Variants in PDS5B observed in about 807,000 individuals in gnomAD.
PDS5B encodes the protein PDS5 cohesin associated factor B.
Under a neutral mutation model 184.1 loss-of-function variants are expected in PDS5B, and 51 were observed. That is an observed-to-expected ratio of 0.28 (90% CI 0.22 to 0.35). The LOEUF (loss-of-function observed/expected upper bound fraction) is 0.35. Among genes scored for constraint, PDS5B ranks in the 10% least tolerant of loss-of-function variants. The pLI, the probability that PDS5B is intolerant of heterozygous loss-of-function variation, is 1.00. For missense variants in PDS5B, 1,180 were observed against 1,723.3 expected (o/e 0.68, Z 5.58); for synonymous variants, 566 against 569.2 (o/e 0.99, Z 0.08).
chr13:32,664,299 TATA>T (rs764006249), intron 6 of PDS5B, among the ~76,000 whole-genome samples: 184 of 152,156 alleles, frequency 1.2e-3, no homozygotes, highest in Non-Finnish European at 2.3e-3. Context: ...TTATAGAAAA[TATA>T]AGAACATTCT....
chr13:32,757,223 T>C (rs578001117), intron 26 of PDS5B, among the ~76,000 whole-genome samples: 1 of 152,260 alleles, frequency 6.6e-6, no homozygotes, highest in Non-Finnish European at 1.5e-5. Flanking sequence ...TCTGAGAACA[T>C]TGGGTTTTTA....
chr13:32,708,331 C>T (rs982887857), intron 18 of PDS5B, among the ~76,000 whole-genome samples: 1 of 152,208 alleles, frequency 6.6e-6, no homozygotes, highest in Non-Finnish European at 1.5e-5. Flanking sequence ...GGCTAATCCT[C>T]ACTTTGGGAC....
rs775783871 is a variant in PDS5B at position 32,678,968 on chromosome 13, C to T, written c.1057+39C>T. The T allele has an allele frequency of 1.5e-5, 16 of 1,095,594 alleles. No homozygotes were observed. In the East Asian group the frequency reaches 2.1e-4, roughly 15 times the overall value. The allele number at this position is 1,095,594 out of a possible 1,614,324, so 67.9% of individuals were successfully genotyped here. ...GTAACAGCAAATATTCTTACGTGCTCTTCAGTGGAAAAAAATAAGTTTCAT... is the reference window on the plus strand; with the variant it reads ...GTAACAGCAAATATTCTTACGTGCTTTTCAGTGGAAAAAAATAAGTTTCAT... On this transcript the variant is annotated intron_variant, in intron 10 of 34. Coordinates refer to ENST00000315596, the MANE Select transcript of PDS5B (RefSeq NM_015032.4).
chr13:32,769,412 T>C (rs1954701930), intron 31 of PDS5B, among the ~76,000 whole-genome samples: 2 of 150,372 alleles, frequency 1.3e-5, no homozygotes, highest in African/African-American at 5.0e-5. Context: ...TAAGTGTTCA[T>C]ACATACAATT....
chr13:32,615,083 C>T (rs1038273226), intron 1 of PDS5B, among the ~76,000 whole-genome samples: 4 of 152,174 alleles, frequency 2.6e-5, no homozygotes, highest in African/African-American at 4.8e-5. Context: ...GAACCACCTC[C>T]GTTGTGCCCC....
chr13:32,761,218 T>C (rs535492446), intron 30 of PDS5B, among the ~76,000 whole-genome samples: 1 of 152,328 alleles, frequency 6.6e-6, no homozygotes, highest in South Asian at 2.1e-4. Context: ...ATCTTAACAG[T>C]ATTTATGTTA....
chr13:32,669,081 A>G (rs990128965), intron 7 of PDS5B, among the ~76,000 whole-genome samples: 2 of 152,170 alleles, frequency 1.3e-5, no homozygotes, highest in African/African-American at 4.8e-5. Context: ...ACTGGCTGAA[A>G]TAAATTGGTT....
intron 7 of PDS5B, among the ~76,000 whole-genome samples, chr13:32,668,835 AAACT>A (rs1198862478): frequency 2.6e-5 from 4 of 152,218 alleles, no homozygotes; most frequent in African/African-American, 7.2e-5. Context: ...TGTACTTTGA[AAACT>A]AACTACTTCA....
At chr13:32,673,468 A>G (rs1950987867) in intron 8 of PDS5B, 112 bp downstream of exon 8, 1 of 844,812 alleles carries the variant, frequency 1.2e-6, no homozygotes, top group Admixed American at 2.9e-5. Context: ...ATGAGGGGGA[A>G]GTATTACTAT....
Position 32,701,222 on chromosome 13 carries a change from C to T in PDS5B, c.1741-101C>T, listed in dbSNP as rs144060151. Reference sequence around the variant, plus strand: ...AATTCTTACAGTTTGTTTATTCCAGCGTCAGTACTACATGGTTTTAATTAT... The same window carrying T: ...AATTCTTACAGTTTGTTTATTCCAGTGTCAGTACTACATGGTTTTAATTAT... On this transcript the variant is annotated intron_variant, in intron 16 of 34. Transcript: ENST00000315596. The T allele has an allele frequency of 7.9e-4, 474 of 601,334 alleles. 2 individuals carry two copies. In the East Asian group the frequency reaches 0.012, roughly 16 times the overall value. 37.2% of individuals were successfully genotyped at this position (601,334 alleles called of 1,614,324 possible). A position where few individuals can be genotyped will look rare whatever the true frequency, so the allele number is the denominator to read the frequency against.
At position 32,586,567 on chromosome 13, in the gene PDS5B, G is replaced by A. The variant is rs2057677189; in HGVS notation, c.-46G>A. On this transcript the variant is annotated 5_prime_UTR_variant, in exon 1 of 35. Coordinates refer to ENST00000315596, the MANE Select transcript of PDS5B (RefSeq NM_015032.4). ...CGGATCCCGGAGAGCCCCGGAGTGAGCGGAGTAGCGAGTCGGCAACCCGGA... is the reference window on the plus strand; with the variant it reads ...CGGATCCCGGAGAGCCCCGGAGTGAACGGAGTAGCGAGTCGGCAACCCGGA... The A allele has an allele frequency of 6.6e-6, 1 of 152,456 alleles. No individual in the cohort carries two copies. Among genetic ancestry groups the A allele is most frequent in the African/African-American group, 2.4e-5 (1 of 41,368 alleles). 9.4% of individuals were successfully genotyped at this position (152,456 alleles called of 1,614,324 possible).
intron 31 of PDS5B, among the ~76,000 whole-genome samples, chr13:32,769,195 C>T (rs1463751578): frequency 6.6e-6 from 1 of 151,740 alleles, no homozygotes; most frequent in Non-Finnish European, 1.5e-5. Flanking sequence ...TACACAAAAG[C>T]ATAGAGGAAT....
intron 9 of PDS5B, among the ~76,000 whole-genome samples, chr13:32,678,155 A>T (rs967882604): frequency 6.6e-6 from 1 of 152,222 alleles, no homozygotes; most frequent in African/African-American, 2.4e-5. Flanking sequence ...AACCATACAC[A>T]TATACAGCAG....
At chr13:32,666,199 G>T (rs567456703) in intron 6 of PDS5B, among the ~76,000 whole-genome samples, 90 of 152,236 alleles carry the variant, frequency 5.9e-4, no homozygotes, top group Non-Finnish European at 1.1e-3. Context: ...TTCTGCCTCA[G>T]CCTCCCAAGT....
At chr13:32,718,021 G>T (rs1029132658) in intron 19 of PDS5B, among the ~76,000 whole-genome samples, 36 of 151,790 alleles carry the variant, frequency 2.4e-4, no homozygotes, top group African/African-American at 8.5e-4. Flanking sequence ...GCCAAACATG[G>T]TTAATTTTAG....
intron 24 of PDS5B, among the ~76,000 whole-genome samples, chr13:32,750,847 C>CTGTGTGTGTGTGTGTGTGTGTGTGTG (rs71194534): frequency 7.0e-5 from 10 of 143,424 alleles, no homozygotes; most frequent in African/African-American, 2.1e-4. Context: ...CGGCCTCCCT[C>CTGTGTGTGTGTGTGTGTGTGTGTGTG]TGTGTGTGTG....
rs765136442 is a variant in PDS5B at position 32,634,058 on chromosome 13, C to A, written c.-19-14696C>A. 9.2e-5 allele frequency among the ~76,000 whole-genome samples: 14 copies of A among 152,144 alleles called. 1 individual carries two copies. The highest frequency in any genetic ancestry group is 2.6e-4 in the Admixed American group (4 of 15,272). ...CTCTCTTCAAATACTCTTATGTTAT[C>A]TTCCAGTTGTTCAGAGCTTCCTGTT... On this transcript the variant is annotated intron_variant, in intron 1 of 34. Transcript: ENST00000315596.
At chr13:32,593,598 C>T (rs1212581994) in intron 1 of PDS5B, among the ~76,000 whole-genome samples, 1 of 152,194 alleles carries the variant, frequency 6.6e-6, no homozygotes, top group Non-Finnish European at 1.5e-5. Context: ...GCCTTGGCCT[C>T]CCAAAGTGCT....
intron 19 of PDS5B, 62 bp downstream of exon 19, chr13:32,710,168 A>G (rs1354236366): frequency 1.7e-6 from 2 of 1,153,014 alleles, no homozygotes; most frequent in East Asian, 2.7e-5. Context: ...TTCTTGATTT[A>G]TGCAATAATT....
Sources: allele counts gnomAD v4.1 joint callset (sites outside exome capture counted in the v4.1 genomes callset), GRCh38; gene constraint gnomAD v4.1.1; transcripts MANE v1.5; gene names NCBI Gene and HGNC (gene_info 2026-07-23, HGNC 2026-07-21).